Variants in ARHGEF28 observed in about 807,000 individuals in gnomAD.
The protein encoded by ARHGEF28 is Rho guanine nucleotide exchange factor 28, also known as 190 kDa guanine nucleotide exchange factor.
In ARHGEF28, 152 loss-of-function variants were observed where a neutral mutation model predicts 206.6. The observed-to-expected ratio is 0.74, with a 90% CI of 0.64 to 0.84. The LOEUF is 0.84. ARHGEF28 is among the 40% of genes least tolerant of loss of function. ARHGEF28 has a pLI of 0.00. For synonymous variants in ARHGEF28, 763 were observed against 776.4 expected (o/e 0.98, Z 0.29); for missense variants, 2,028 against 2,073.2 (o/e 0.98, Z 0.42).
At chr5:73,628,202 G>A (rs1743125394) in intron 1 of ARHGEF28, among the ~76,000 whole-genome samples, 1 of 152,050 alleles carries the variant, frequency 6.6e-6, no homozygotes, top group Non-Finnish European at 1.5e-5. Flanking sequence ...AGGAATTTCA[G>A]GTGAGCTCTG....
At chr5:73,714,082 G>T (rs372267914) in intron 2 of ARHGEF28, among the ~76,000 whole-genome samples, 122 of 152,258 alleles carry the variant, frequency 8.0e-4, no homozygotes, top group Middle Eastern at 3.4e-3. Context: ...GACTTTAACC[G>T]CCCTGTGTCT....
At chr5:73,893,352 G>A (rs1369722317) in intron 28 of ARHGEF28, 64 bp downstream of exon 28, 3 of 1,352,238 alleles carry the variant, frequency 2.2e-6, no homozygotes, top group Non-Finnish European at 3.0e-6. Context: ...GAAAGCCTGA[G>A]TGTCATGAAC....
In ARHGEF28 at chr5:73,849,035, T is replaced by A; in HGVS notation, c.1695T>A (p.Ser565=). 2.5e-6 allele frequency: 4 copies of A among 1,580,090 alleles called. No individual in the cohort carries two copies. The highest frequency in any genetic ancestry group is 3.4e-6 in the Non-Finnish European group (4 of 1,160,894). The change falls in exon 13 of 36, where the codon TCT becomes TCA. Residue 565 remains serine, a synonymous_variant. Transcript: ENST00000513042. ...ATTCTTGCTCATCACCCAAAATTTC[T>A]TTAGGAAAAACTCGTTTGGTGCGTG... ...RSYSCSSPKI[S]LGKTRLVREL...
chr5:73,936,760 G>A (rs1764443012), intron 35 of ARHGEF28, among the ~76,000 whole-genome samples: 1 of 152,048 alleles, frequency 6.6e-6, no homozygotes, highest in Non-Finnish European at 1.5e-5. Context: ...TAGAGACAGG[G>A]TCTCACTATG....
intron 9 of ARHGEF28, among the ~76,000 whole-genome samples, chr5:73,809,995 T>G (rs953006878): frequency 6.6e-6 from 1 of 152,150 alleles, no homozygotes; most frequent in Non-Finnish European, 1.5e-5. Flanking sequence ...TAAATGCAAT[T>G]ATATTGATAA....
At chr5:73,698,275 C>G (rs776927063) in intron 2 of ARHGEF28, among the ~76,000 whole-genome samples, 1 of 152,052 alleles carries the variant, frequency 6.6e-6, no homozygotes, top group East Asian at 1.9e-4. Flanking sequence ...TAAAATACCC[C>G]ACCCCTTACC....
At chr5:73,854,724 C>CA (rs1004396355) in intron 14 of ARHGEF28, among the ~76,000 whole-genome samples, 5 of 151,870 alleles carry the variant, frequency 3.3e-5, no homozygotes, top group African/African-American at 1.2e-4. Flanking sequence ...CACAGCTACT[C>CA]AGGAGGCTGA....
At chr5:73,936,820 G>A (rs1303039563) in intron 35 of ARHGEF28, among the ~76,000 whole-genome samples, 1 of 152,142 alleles carries the variant, frequency 6.6e-6, no homozygotes, top group Non-Finnish European at 1.5e-5. Context: ...CTCCTGCCTT[G>A]GCTCCGCAAA....
intron 1 of ARHGEF28, among the ~76,000 whole-genome samples, chr5:73,680,173 A>G (rs796337545): frequency 1.1e-4 from 17 of 152,156 alleles, no homozygotes; most frequent in African/African-American, 3.9e-4. Flanking sequence ...CATGGCTCAC[A>G]CCTGTAATCC....
intron 2 of ARHGEF28, among the ~76,000 whole-genome samples, chr5:73,719,058 A>G (rs1343181524): frequency 1.3e-5 from 2 of 152,230 alleles, no homozygotes; most frequent in Admixed American, 1.3e-4. Flanking sequence ...GCCAAAACCC[A>G]GAAAAGGAGA....
At chr5:73,903,044 A>G (rs1580075316) in intron 31 of ARHGEF28, 4 of 152,026 alleles carry the variant, frequency 2.6e-5, no homozygotes, top group Admixed American at 2.6e-4. Flanking sequence ...CTTCATCTCC[A>G]TTTTCAGCCT....
intron 9 of ARHGEF28, among the ~76,000 whole-genome samples, chr5:73,827,129 C>G (rs1756962002): frequency 1.3e-5 from 2 of 152,198 alleles, no homozygotes; most frequent in Non-Finnish European, 2.9e-5. Flanking sequence ...GGAGGTAAAT[C>G]CTATAGGCAG....
intron 7 of ARHGEF28, among the ~76,000 whole-genome samples, chr5:73,785,874 G>A (rs900799637): frequency 2.0e-5 from 3 of 151,918 alleles, no homozygotes; most frequent in South Asian, 2.1e-4. Context: ...CGCTCTCACC[G>A]GCTCAAAGTG....
Position 73,688,553 on chromosome 5 carries a change from T to G in ARHGEF28, c.33+3669T>G, listed in dbSNP as rs181637947. 3.6e-3 allele frequency among the ~76,000 whole-genome samples: 547 copies of G among 152,372 alleles called. 4 individuals are homozygous for G. The highest frequency in any genetic ancestry group is 0.012 in the African/African-American group (513 of 41,596). On this transcript the variant is annotated intron_variant, in intron 2 of 35. Coordinates refer to ENST00000513042, the MANE Select transcript of ARHGEF28 (RefSeq NM_001177693.2). ...ATAAAGAACATTTTTTATTTTTCTT[T>G]TTAAAGATTGTTTCTTCCACTATTG...
At chr5:73,919,678 C>A (rs1392116174) in intron 35 of ARHGEF28, among the ~76,000 whole-genome samples, 2 of 152,144 alleles carry the variant, frequency 1.3e-5, no homozygotes, top group Non-Finnish European at 1.5e-5. Context: ...TCAAAAGCAG[C>A]CTACAGGAAT....
chr5:73,704,297 ATCT>A, intron 2 of ARHGEF28, among the ~76,000 whole-genome samples: 1 of 152,212 alleles, frequency 6.6e-6, no homozygotes, highest in African/African-American at 2.4e-5. Context: ...AACTGCTTCA[ATCT>A]TCTTATTTTC....
chr5:73,791,662 A>G (rs1227189945), intron 7 of ARHGEF28, among the ~76,000 whole-genome samples: 1 of 152,152 alleles, frequency 6.6e-6, no homozygotes, highest in East Asian at 1.9e-4. Context: ...TTTTTAGGCG[A>G]ATCTGTTTCT....
intron 9 of ARHGEF28, among the ~76,000 whole-genome samples, chr5:73,804,609 G>A (rs186714644): frequency 9.0e-4 from 136 of 151,854 alleles, no homozygotes; most frequent in African/African-American, 2.9e-3. Flanking sequence ...CCTGATTTCC[G>A]TTTTCTATTC....
chr5:73,864,910 G>A, intron 17 of ARHGEF28, 38 bp downstream of exon 17: 1 of 1,575,172 alleles, frequency 6.3e-7, no homozygotes. Context: ...TATGTGGCAT[G>A]GTTGCTTCAT....
Sources: allele counts gnomAD v4.1 joint callset (sites outside exome capture counted in the v4.1 genomes callset), GRCh38; gene constraint gnomAD v4.1.1; transcripts MANE v1.5; gene names NCBI Gene and HGNC (gene_info 2026-07-23, HGNC 2026-07-21).